Variants in CHCHD6 observed in about 807,000 individuals in gnomAD.
The protein encoded by CHCHD6 is MICOS complex subunit MIC25.
A neutral mutation model predicts 32.3 loss-of-function variants in CHCHD6; 28 were observed. That is an observed-to-expected ratio of 0.87 (90% CI 0.64 to 1.19). The LOEUF (loss-of-function observed/expected upper bound fraction) is 1.19. Among genes scored for constraint, CHCHD6 ranks in the 50% most tolerant of loss-of-function variants. The pLI is 0.00. For synonymous variants in CHCHD6, 122 were observed against 117.5 expected (o/e 1.04, Z -0.25); for missense variants, 333 against 307.0 (o/e 1.08, Z -0.63).
chr3:126,865,863 C>T, intron 5 of CHCHD6: 1 of 600,716 alleles, frequency 1.7e-6, no homozygotes. Context: ...CTCTTGCACT[C>T]TAGAGAGGCT....
At chr3:126,927,903 G>GC (rs2078347848) in intron 6 of CHCHD6, among the ~76,000 whole-genome samples, 1 of 152,118 alleles carries the variant, frequency 6.6e-6, no homozygotes, top group Admixed American at 6.5e-5. Context: ...CTAGTTATTT[G>GC]CGCCTTGAGG....
intron 2 of CHCHD6, among the ~76,000 whole-genome samples, chr3:126,727,763 C>G (rs1229581072): frequency 6.6e-6 from 1 of 152,196 alleles, no homozygotes; most frequent in African/African-American, 2.4e-5. Context: ...GATTTGTTCC[C>G]TACTGTATTG....
intron 5 of CHCHD6, among the ~76,000 whole-genome samples, chr3:126,872,406 T>A (rs1420337628): frequency 6.6e-6 from 1 of 152,120 alleles, no homozygotes; most frequent in Non-Finnish European, 1.5e-5. Context: ...AGATCCTATT[T>A]GGGGCAACTT....
chr3:126,861,395 G>C (rs1559886200), intron 5 of CHCHD6, among the ~76,000 whole-genome samples: 1 of 151,958 alleles, frequency 6.6e-6, no homozygotes, highest in Admixed American at 6.6e-5. Flanking sequence ...TCTATATAAA[G>C]TTTCTACTTC....
intron 4 of CHCHD6, among the ~76,000 whole-genome samples, chr3:126,736,765 A>G (rs867984373): frequency 1.3e-5 from 2 of 152,146 alleles, no homozygotes; most frequent in Non-Finnish European, 2.9e-5. Context: ...CATGGGTGTC[A>G]CTGGATCCTG....
chr3:126,728,235 C>G lies in CHCHD6; in HGVS notation c.196+1049C>G, dbSNP rs571537683. On this transcript the variant is annotated intron_variant, in intron 2 of 7. Coordinates refer to ENST00000290913, the MANE Select transcript of CHCHD6 (RefSeq NM_032343.3). ...AGTGATAGGTGGGCAGGGACCCTCT[C>G]TCATGGCACACCTGGCTCTGGTTAT... is the stretch of plus-strand genomic sequence containing the variant. 2.6e-5 allele frequency among the ~76,000 whole-genome samples: 4 copies of G among 152,294 alleles called. No individual in the cohort carries two copies. In the East Asian group the frequency reaches 7.7e-4, roughly 29 times the overall value.
intron 7 of CHCHD6, 22 bp from the exon 8 acceptor site, chr3:126,960,174 C>T: frequency 2.6e-6 from 4 of 1,551,532 alleles, no homozygotes; most frequent in Middle Eastern, 3.3e-4. Flanking sequence ...CCTGACTCAA[C>T]TCTGACCTGT....
chr3:126,936,867 T>C (rs1385706095), intron 6 of CHCHD6, among the ~76,000 whole-genome samples: 1 of 152,258 alleles, frequency 6.6e-6, no homozygotes, highest in Non-Finnish European at 1.5e-5. Flanking sequence ...TTTTTACTTT[T>C]AATGTGGCTG....
At chr3:126,816,663 A>C (rs746525889) in intron 4 of CHCHD6, among the ~76,000 whole-genome samples, 2 of 151,950 alleles carry the variant, frequency 1.3e-5, no homozygotes, top group Admixed American at 1.3e-4. Context: ...GCATGAATGG[A>C]GTCTTACTTC....
chr3:126,945,204 T>A (rs1047978995), intron 6 of CHCHD6, among the ~76,000 whole-genome samples: 5 of 151,990 alleles, frequency 3.3e-5, no homozygotes, highest in Non-Finnish European at 7.4e-5. Context: ...CACTGTGAAC[T>A]GGCCATGTGC....
chr3:126,927,374 G>C (rs1475259270), intron 6 of CHCHD6, among the ~76,000 whole-genome samples: 1 of 152,230 alleles, frequency 6.6e-6, no homozygotes, highest in African/African-American at 2.4e-5. Flanking sequence ...TGTCTGGGGG[G>C]TGGTGGGCTC....
chr3:126,708,600 AT>A (rs1389921411), intron 1 of CHCHD6, among the ~76,000 whole-genome samples: 2 of 150,564 alleles, frequency 1.3e-5, no homozygotes, highest in African/African-American at 4.9e-5. Flanking sequence ...AGGCAGGAGG[AT>A]CACCTGAGCC....
chr3:126,909,364 G>C (rs2078051424), intron 5 of CHCHD6, among the ~76,000 whole-genome samples: 1 of 152,202 alleles, frequency 6.6e-6, no homozygotes, highest in Admixed American at 6.5e-5. Context: ...TGGGGCAGGG[G>C]CTGCCGGGTG....
At chr3:126,926,263 A>T (rs545781512) in intron 6 of CHCHD6, among the ~76,000 whole-genome samples, 1 of 152,360 alleles carries the variant, frequency 6.6e-6, no homozygotes, top group East Asian at 1.9e-4. Flanking sequence ...ATATTCAGGC[A>T]TTGCATTTTG....
chr3:126,906,214 G>A (rs2078003057), intron 5 of CHCHD6, among the ~76,000 whole-genome samples: 1 of 152,188 alleles, frequency 6.6e-6, no homozygotes, highest in South Asian at 2.1e-4. Flanking sequence ...TGCCACTAGT[G>A]GAGATGGTAT....
intron 4 of CHCHD6, among the ~76,000 whole-genome samples, chr3:126,784,772 G>A (rs1426073592): frequency 6.6e-6 from 1 of 152,182 alleles, no homozygotes; most frequent in African/African-American, 2.4e-5. Context: ...ATTAGTGCCT[G>A]TCTCTTCACT....
At chr3:126,766,576 G>A (rs1436025037) in intron 4 of CHCHD6, 2 of 1,170,030 alleles carry the variant, frequency 1.7e-6, no homozygotes, top group Non-Finnish European at 2.6e-6. Flanking sequence ...CACCTCCTGG[G>A]CTGCAGTGGA....
intron 4 of CHCHD6, among the ~76,000 whole-genome samples, chr3:126,818,316 C>CGA (rs2107535002): frequency 6.6e-6 from 1 of 152,178 alleles, no homozygotes; most frequent in South Asian, 2.1e-4. Flanking sequence ...CCCACAAGGC[C>CGA]GAGCCCAGTC....
chr3:126,864,155 C>A (rs1942132300), intron 5 of CHCHD6, among the ~76,000 whole-genome samples: 1 of 149,790 alleles, frequency 6.7e-6, no homozygotes, highest in South Asian at 2.2e-4. Context: ...ATTACCATCA[C>A]CTTCTCCACC....
Sources: allele counts gnomAD v4.1 joint callset (sites outside exome capture counted in the v4.1 genomes callset), GRCh38; gene constraint gnomAD v4.1.1; transcripts MANE v1.5; gene names NCBI Gene and HGNC (gene_info 2026-07-23, HGNC 2026-07-21).